Variants in SPECC1L observed in about 807,000 individuals in gnomAD.
The protein encoded by SPECC1L is sperm antigen with calponin homology and coiled-coil domains 1 like, also known as cytospin-A.
In SPECC1L, 40 loss-of-function variants were observed where a neutral mutation model predicts 116.8. The observed-to-expected ratio is 0.34, with a 90% CI of 0.27 to 0.45. The LOEUF (loss-of-function observed/expected upper bound fraction) is 0.45, where lower values mean the gene tolerates loss of function less well. Ranked by LOEUF, SPECC1L falls within the 20% of genes least tolerant of loss-of-function variation. SPECC1L has a pLI of 1.00. For missense variants in SPECC1L, 1,110 were observed against 1,373.6 expected, an observed-to-expected ratio of 0.81 and a Z score of 3.03; for synonymous variants, 504 against 500.6, an observed-to-expected ratio of 1.01 and a Z score of -0.09.
intron 9 of SPECC1L, among the ~76,000 whole-genome samples, chr22:24,337,344 C>A (rs1056151230): frequency 5.3e-5 from 8 of 152,222 alleles, no homozygotes; most frequent in African/African-American, 1.9e-4. Flanking sequence ...CAACAGGTCA[C>A]ATATTGTAAG....
intron 2 of SPECC1L, among the ~76,000 whole-genome samples, chr22:24,291,172 A>G (rs1601503892): frequency 6.6e-6 from 1 of 152,294 alleles, no homozygotes; most frequent in East Asian, 1.9e-4. Flanking sequence ...TTGGATTTTC[A>G]GTGGGTATTG....
At chr22:24,364,438 G>A (rs1407252057) in intron 12 of SPECC1L, among the ~76,000 whole-genome samples, 1 of 151,802 alleles carries the variant, frequency 6.6e-6, no homozygotes, top group Non-Finnish European at 1.5e-5. Flanking sequence ...CTAGGTGGGC[G>A]GATCACCTGA....
chr22:24,386,225 C>A (rs1391387322), intron 14 of SPECC1L, among the ~76,000 whole-genome samples: 1 of 151,872 alleles, frequency 6.6e-6, no homozygotes, highest in African/African-American at 2.4e-5. Flanking sequence ...GGACATTAAG[C>A]TTAATGGTGA....
At chr22:24,340,579 A>C (rs1430874626) in intron 10 of SPECC1L, among the ~76,000 whole-genome samples, 1 of 152,238 alleles carries the variant, frequency 6.6e-6, no homozygotes, top group African/African-American at 2.4e-5. Context: ...GGTGTTTATC[A>C]GTTGACGTTT....
intron 6 of SPECC1L, among the ~76,000 whole-genome samples, chr22:24,328,202 C>T (rs1193304645): frequency 6.6e-6 from 1 of 152,152 alleles, no homozygotes; most frequent in East Asian, 1.9e-4. Context: ...TATCCTCACT[C>T]TATCTAGAAT....
chr22:24,296,517 T>C (rs9624451), intron 2 of SPECC1L, among the ~76,000 whole-genome samples: 3,269 of 149,432 alleles, frequency 0.022, no homozygotes, highest in African/African-American at 0.08. Flanking sequence ...TTGACTTTCC[T>C]GGACTAGAGG....
intron 3 of SPECC1L, among the ~76,000 whole-genome samples, chr22:24,312,815 A>G (rs1263412119): frequency 6.6e-6 from 1 of 152,182 alleles, no homozygotes; most frequent in African/African-American, 2.4e-5. Context: ...TTTAGAAAAT[A>G]CCTCCTTTCA....
At chr22:24,297,914 G>A (rs1050964545) in intron 2 of SPECC1L, among the ~76,000 whole-genome samples, 13 of 152,294 alleles carry the variant, frequency 8.5e-5, no homozygotes, top group African/African-American at 2.6e-4. Flanking sequence ...TGGACCCACA[G>A]TGCAGGAGTA....
intron 11 of SPECC1L, among the ~76,000 whole-genome samples, chr22:24,352,814 T>C (rs1028310283): frequency 6.6e-6 from 1 of 152,226 alleles, no homozygotes; most frequent in Non-Finnish European, 1.5e-5. Flanking sequence ...TCAGAACTTA[T>C]TTTTATCAAT....
rs769251018 is a variant in SPECC1L, at chr22:24,321,655, A to G, written c.675A>G (p.Lys225=). 5.9e-5 allele frequency: 95 copies of G among 1,614,126 alleles called. No individual in the cohort carries two copies. Among genetic ancestry groups the G allele is most frequent in the Non-Finnish European group, 7.4e-5 (87 of 1,180,052 alleles). The change falls in exon 5 of 17, where the codon AAA becomes AAG. Residue 225 remains lysine (K), a synonymous_variant. Coordinates refer to ENST00000314328, the MANE Select transcript of SPECC1L (RefSeq NM_015330.6). ...AGGATCATTCTGAGGGTGATGAAAA[A>G]TCTGAGAAGGAAACTATTATGGCTC... ...INEDHSEGDE[K]SEKETIMAHQ...
intron 14 of SPECC1L, among the ~76,000 whole-genome samples, chr22:24,390,867 C>CTTTTTTTTTTTTTTTTT (rs1556306072): frequency 9.2e-4 from 44 of 47,600 alleles, no homozygotes; most frequent in African/African-American, 1.2e-3. Context: ...TTTTTTTTTT[C>CTTTTTTTTTTTTTTTTT]TTTTCTTTTT....
intron 14 of SPECC1L, among the ~76,000 whole-genome samples, chr22:24,395,156 T>C (rs1195997254): frequency 6.6e-6 from 1 of 152,192 alleles, no homozygotes; most frequent in Admixed American, 6.5e-5. Context: ...TAACATGCAA[T>C]TTATACATTT....
intron 2 of SPECC1L, among the ~76,000 whole-genome samples, chr22:24,301,587 G>A (rs1339583304): frequency 6.6e-6 from 1 of 152,110 alleles, no homozygotes; most frequent in East Asian, 1.9e-4. Flanking sequence ...GTAATTTATT[G>A]AGTACAGTAC....
At chr22:24,349,122 C>G (rs1221393061) in intron 11 of SPECC1L, among the ~76,000 whole-genome samples, 1 of 152,156 alleles carries the variant, frequency 6.6e-6, no homozygotes, top group African/African-American at 2.4e-5. Context: ...CTTACTGCAA[C>G]TTCCGCCTCC....
chr22:24,281,784 T>G (rs1018272529), intron 2 of SPECC1L, among the ~76,000 whole-genome samples: 1 of 152,220 alleles, frequency 6.6e-6, no homozygotes, highest in African/African-American at 2.4e-5. Context: ...TGTTTTTCCT[T>G]CCTTTACTGC....
intron 1 of SPECC1L, among the ~76,000 whole-genome samples, chr22:24,275,699 CATT>C (rs1277438604): frequency 6.6e-6 from 1 of 152,102 alleles, no homozygotes; most frequent in African/African-American, 2.4e-5. Context: ...AAAGAAGACT[CATT>C]ATTCAACTTT....
rs1157345999 is a variant in SPECC1L, at chr22:24,369,331, G to A, written c.3087+11G>A. On this transcript the variant is annotated intron_variant, in intron 14 of 16. Coordinates refer to ENST00000314328, the MANE Select transcript of SPECC1L (RefSeq NM_015330.6). ...ACAGAAGGCTATCAGGTAATCATATGATTCTTTTGTCCCATGTGAGTAATT... is the reference window on the plus strand; with the variant it reads ...ACAGAAGGCTATCAGGTAATCATATAATTCTTTTGTCCCATGTGAGTAATT... 2.5e-6 allele frequency: 4 copies of A among 1,602,058 alleles called. No individual in the cohort carries two copies.
At chr22:24,402,262 G>A (rs1420574535) in intron 14 of SPECC1L, among the ~76,000 whole-genome samples, 1 of 151,836 alleles carries the variant, frequency 6.6e-6, no homozygotes. Flanking sequence ...CAGCTAGAGG[G>A]CCTGGCCAGG....
chr22:24,343,471 GTTTTT>G (rs558114257), intron 10 of SPECC1L: 3 of 441,876 alleles, frequency 6.8e-6, no homozygotes, highest in African/African-American at 6.2e-5. Flanking sequence ...GTTTTGTTTT[GTTTTT>G]TTGAGATGGA....
Sources: gnomAD v4.1 joint callset for allele counts (sites outside exome capture counted in the v4.1 genomes callset) on GRCh38, gnomAD v4.1.1 for gene constraint, MANE v1.5 for transcripts, NCBI Gene and HGNC (gene_info 2026-07-23, HGNC 2026-07-21) for gene names.